Variants in TFEC observed in about 807,000 individuals in gnomAD.
TFEC encodes the protein transcription factor EC.
In TFEC, 31 loss-of-function variants were observed where a neutral mutation model predicts 41.6. That is an observed-to-expected ratio of 0.74 (90% CI 0.56 to 1.01). The LOEUF is 1.01. Among genes scored for constraint, TFEC ranks in the 50% least tolerant of loss-of-function variants. TFEC has a pLI of 0.00. For synonymous variants in TFEC, 143 were observed against 140.6 expected (o/e 1.02, Z -0.12); for missense variants, 402 against 404.1 (o/e 0.99, Z 0.04).
rs1283623208 is a variant in TFEC, at chr7:115,940,593, A to G, written c.1002T>C (p.Ser334=). 1 of 1,613,204 alleles carries G rather than the reference A, an allele frequency of 6.2e-7. No individual in the cohort carries two copies. The highest frequency in any genetic ancestry group is 8.5e-7 in the Non-Finnish European group (1 of 1,179,518). ...ATSPAVSKES[S]RRSSFSSDDG... ...CATCTGAGCTAAAGCTACTTCTCCT[A>G]CTGCTTTCTTTGGAAACTGCAGGGG... The change falls in exon 8 of 8, where the codon AGT becomes AGC. Residue 334 remains serine, a synonymous_variant. Transcript: ENST00000265440.
chr7:116,018,874 G>C (rs973570851), intron 1 of TFEC, among the ~76,000 whole-genome samples: 1 of 152,198 alleles, frequency 6.6e-6, no homozygotes, highest in Non-Finnish European at 1.5e-5. Context: ...GAATCTGCAA[G>C]TTGTTGTGGG....
At chr7:115,985,572 G>C (rs1793815600) in intron 1 of TFEC, among the ~76,000 whole-genome samples, 1 of 152,060 alleles carries the variant, frequency 6.6e-6, no homozygotes, top group South Asian at 2.1e-4. Context: ...CATTAGCCCA[G>C]ATAAATAGCC....
intron 1 of TFEC, among the ~76,000 whole-genome samples, chr7:116,020,692 C>A (rs1039363165): frequency 6.6e-6 from 1 of 151,890 alleles, no homozygotes; most frequent in Admixed American, 6.6e-5. Flanking sequence ...TACTGCTTAG[C>A]AATTTTAAGA....
chr7:116,101,310 AG>A (rs1331014181), intron 3 of TFEC, among the ~76,000 whole-genome samples: 1 of 152,060 alleles, frequency 6.6e-6, no homozygotes, highest in African/African-American at 2.4e-5. Context: ...ACAGCAAGAG[AG>A]GAAAAAAAGT....
At chr7:116,071,472 T>A (rs116710554) in intron 3 of TFEC, among the ~76,000 whole-genome samples, 102 of 151,452 alleles carry the variant, frequency 6.7e-4, no homozygotes, top group African/African-American at 2.3e-3. Flanking sequence ...CAAAGGTATT[T>A]TTAAGGAATA....
At chr7:116,085,988 A>G (rs1354411395) in intron 3 of TFEC, among the ~76,000 whole-genome samples, 2 of 151,874 alleles carry the variant, frequency 1.3e-5, no homozygotes, top group African/African-American at 4.8e-5. Flanking sequence ...CTCTTACATA[A>G]CCACTGTAAA....
intron 3 of TFEC, among the ~76,000 whole-genome samples, chr7:116,065,745 C>T (rs1917059): frequency 0.31 from 46,829 of 151,844 alleles, 7,848 homozygotes; most frequent in Non-Finnish European, 0.39. Context: ...AAAATGGGAA[C>T]GAAAAGAAGA....
chr7:116,031,333 A>G (rs1460189684), upstream of TFEC, among the ~76,000 whole-genome samples: 12 of 152,162 alleles, frequency 7.9e-5, no homozygotes, highest in African/African-American at 2.9e-4. Context: ...AAAAATACAC[A>G]GTTCAGCTTA....
intron 1 of TFEC, among the ~76,000 whole-genome samples, chr7:116,000,568 A>G (rs891950676): frequency 1.3e-5 from 2 of 152,180 alleles, no homozygotes; most frequent in African/African-American, 4.8e-5. Flanking sequence ...CAAAAAAGCT[A>G]TTAGAACTGA....
intron 1 of TFEC, among the ~76,000 whole-genome samples, chr7:115,992,706 T>C (rs1794179361): frequency 1.3e-5 from 2 of 152,180 alleles, no homozygotes. Flanking sequence ...ATTGAGGCAA[T>C]AATTAATAGC....
chr7:115,976,097 AT>A (rs779441532), intron 2 of TFEC, among the ~76,000 whole-genome samples: 14 of 152,156 alleles, frequency 9.2e-5, no homozygotes, highest in Admixed American at 1.3e-4. Context: ...AACTGCGAAA[AT>A]GAAATTTTAA....
intron 3 of TFEC, among the ~76,000 whole-genome samples, chr7:116,103,446 G>A (rs1332080282): frequency 1.3e-5 from 2 of 152,152 alleles, no homozygotes; most frequent in East Asian, 3.9e-4. Flanking sequence ...AACCTGAAAG[G>A]ACAGCAGGAA....
At chr7:116,098,887 G>GAAGA (rs1300597091) in intron 3 of TFEC, among the ~76,000 whole-genome samples, 2 of 143,150 alleles carry the variant, frequency 1.4e-5, no homozygotes, top group Admixed American at 1.4e-4. Flanking sequence ...AGGAAGGAAG[G>GAAGA]AAGGAAGGAA....
intron 1 of TFEC, among the ~76,000 whole-genome samples, chr7:116,158,589 G>A (rs1158981671): frequency 6.6e-6 from 1 of 151,998 alleles, no homozygotes. Flanking sequence ...AAAGTGTGCT[G>A]ATGAAAATCA....
Position 116,082,854 on chromosome 7 carries a change from A to G in TFEC, c.198+27854T>C, listed in dbSNP as rs184787396. 3.4e-3 allele frequency among the ~76,000 whole-genome samples: 517 copies of G among 151,976 alleles called. 4 individuals are homozygous for G. Among genetic ancestry groups the G allele is most frequent in the Non-Finnish European group, 5.0e-3 (339 of 67,854 alleles). On this transcript the variant is annotated intron_variant, in intron 3 of 8. Transcript: ENST00000484212. Reference sequence around the variant, plus strand: ...ACTGTTTATCAATCCTGTTCAATGCATTTTAATAGATGTTTTATTTAATTG... The same window carrying G: ...ACTGTTTATCAATCCTGTTCAATGCGTTTTAATAGATGTTTTATTTAATTG...
At chr7:116,075,637 T>G (rs1458149824) in intron 3 of TFEC, among the ~76,000 whole-genome samples, 2 of 152,100 alleles carry the variant, frequency 1.3e-5, no homozygotes, top group African/African-American at 4.8e-5. Flanking sequence ...CCTGGCAACC[T>G]GCATGACTCA....
intron 3 of TFEC, among the ~76,000 whole-genome samples, chr7:116,105,947 G>C (rs1294205273): frequency 2.0e-5 from 3 of 151,926 alleles, no homozygotes; most frequent in Non-Finnish European, 2.9e-5. Context: ...TAGAGTGGTG[G>C]GGAATTCAAG....
At chr7:116,002,164 C>T (rs971794612) in intron 1 of TFEC, among the ~76,000 whole-genome samples, 7 of 152,144 alleles carry the variant, frequency 4.6e-5, no homozygotes, top group African/African-American at 1.7e-4. Flanking sequence ...ATCCAGCAAC[C>T]CCCTGCAAGG....
At chr7:116,077,534 C>T (rs73448960) in intron 3 of TFEC, among the ~76,000 whole-genome samples, 2,941 of 151,898 alleles carry the variant, frequency 0.019, 93 homozygotes, top group African/African-American at 0.068. Flanking sequence ...AGGAGACACA[C>T]CTAACACATA....
Sources: gnomAD v4.1 joint callset for allele counts (sites outside exome capture counted in the v4.1 genomes callset) on GRCh38, gnomAD v4.1.1 for gene constraint, MANE v1.5 for transcripts, NCBI Gene and HGNC (gene_info 2026-07-23, HGNC 2026-07-21) for gene names.